The following HCN1 variants were observed in gnomAD, a reference collection of about 807,000 sequenced individuals.
HCN1 encodes the protein hyperpolarization activated cyclic nucleotide gated potassium channel 1, also known as potassium/sodium hyperpolarization-activated cyclic nucleotide-gated channel 1.
Under a neutral mutation model 78.9 loss-of-function variants are expected in HCN1, and 13 were observed. That is an observed-to-expected ratio of 0.16 (90% CI 0.11 to 0.26). HCN1 has a LOEUF of 0.26. Among genes scored for constraint, HCN1 ranks in the 10% least tolerant of loss-of-function variants. HCN1 has a pLI of 1.00. For synonymous variants in HCN1, 552 were observed against 455.5 expected (o/e 1.21, Z -2.70); for missense variants, 810 against 1,154.3 (o/e 0.70, Z 4.32).
chr5:45,421,516 A>G lies in HCN1; in HGVS notation c.1012-24806T>C, dbSNP rs76290736. Among the ~76,000 whole-genome samples the G allele has an allele frequency of 7.6e-4, 116 of 152,358 alleles. 2 individuals are homozygous for G. In the East Asian group the frequency reaches 0.019, roughly 26 times the overall value. On this transcript the variant is annotated intron_variant, in intron 3 of 7. Coordinates refer to ENST00000303230, the MANE Select transcript of HCN1 (RefSeq NM_021072.4). ...GAGTGAAGGAAGCAAACCTTGTAAGATAAAGGAACAGCTTATTAACCTTTA... is the reference window on the plus strand; with the variant it reads ...GAGTGAAGGAAGCAAACCTTGTAAGGTAAAGGAACAGCTTATTAACCTTTA...
chr5:45,267,315 A>AT, intron 6 of HCN1, 62 bp from the exon 7 acceptor site: 2 of 1,490,060 alleles, frequency 1.3e-6, no homozygotes, highest in Non-Finnish European at 1.9e-6. Flanking sequence ...AAAGCCATTA[A>AT]GGCTTCCCAC....
intron 4 of HCN1, among the ~76,000 whole-genome samples, chr5:45,376,371 G>A (rs1284314768): frequency 9.9e-5 from 3 of 30,426 alleles, no homozygotes; most frequent in African/African-American, 3.7e-4. Flanking sequence ...GAGAGAGAGA[G>A]AGAAAATGAC....
At chr5:45,607,118 A>T (rs1744740203) in intron 2 of HCN1, among the ~76,000 whole-genome samples, 1 of 151,890 alleles carries the variant, frequency 6.6e-6, no homozygotes, top group African/African-American at 2.4e-5. Context: ...GTAAAGACAT[A>T]TTTTGGAAAA....
chr5:45,524,050 A>C (rs1191820664), intron 2 of HCN1, among the ~76,000 whole-genome samples: 1 of 152,148 alleles, frequency 6.6e-6, no homozygotes, highest in African/African-American at 2.4e-5. Flanking sequence ...AGGTGTAAGG[A>C]AGGGATCCAG....
chr5:45,372,667 T>TA lies in HCN1; in HGVS notation c.1231-19422dup, dbSNP rs200370651. Reference sequence around the variant, plus strand: ...TAAAAATATATAAAACATTTATATATAAAAATATAAAATATTTATATATAA... The same window carrying TA: ...TAAAAATATATAAAACATTTATATATAAAAAATATAAAATATTTATATATAA... On this transcript the variant is annotated intron_variant, in intron 4 of 7. Coordinates refer to ENST00000303230, the MANE Select transcript of HCN1 (RefSeq NM_021072.4). Among the ~76,000 whole-genome samples, 18 of 68,406 alleles carry TA rather than the reference T, an allele frequency of 2.6e-4. 1 individual carries two copies. Among genetic ancestry groups the TA allele is most frequent in the African/African-American group, 2.6e-3 (18 of 6,920 alleles). 44.9% of individuals were successfully genotyped at this position (68,406 alleles called of 152,430 possible).
chr5:45,538,764 C>T (rs568421050), intron 2 of HCN1, among the ~76,000 whole-genome samples: 1 of 152,110 alleles, frequency 6.6e-6, no homozygotes, highest in South Asian at 2.1e-4. Context: ...CACACACACA[C>T]AAATTTAAAA....
chr5:45,329,050 T>C (rs1310027765), intron 5 of HCN1, among the ~76,000 whole-genome samples: 1 of 151,622 alleles, frequency 6.6e-6, no homozygotes, highest in African/African-American at 2.4e-5. Context: ...GGAGTGGTTT[T>C]GGAGATTAGG....
intron 3 of HCN1, among the ~76,000 whole-genome samples, chr5:45,438,902 C>G (rs563736836): frequency 8.5e-5 from 13 of 152,200 alleles, no homozygotes; most frequent in South Asian, 4.1e-4. Flanking sequence ...TCTACTAGCC[C>G]TAGCTATAGA....
intron 6 of HCN1, among the ~76,000 whole-genome samples, chr5:45,274,089 CA>C (rs924089367): frequency 1.8e-4 from 28 of 152,154 alleles, no homozygotes; most frequent in African/African-American, 5.3e-4. Flanking sequence ...AGATTGAATA[CA>C]ACAAATTTCT....
At chr5:45,562,538 G>C (rs1299904116) in intron 2 of HCN1, among the ~76,000 whole-genome samples, 1 of 98,362 alleles carries the variant, frequency 1.0e-5, no homozygotes, top group Non-Finnish European at 2.1e-5. Flanking sequence ...AAAACCCTTA[G>C]GTAAATTTTA....
chr5:45,455,619 C>T (rs1741013529), intron 3 of HCN1, among the ~76,000 whole-genome samples: 2 of 151,744 alleles, frequency 1.3e-5, no homozygotes, highest in South Asian at 4.2e-4. Flanking sequence ...ATAAAATCAG[C>T]AGATTTAGGG....
At chr5:45,399,760 C>T (rs533905455) in intron 3 of HCN1, among the ~76,000 whole-genome samples, 77 of 152,200 alleles carry the variant, frequency 5.1e-4, no homozygotes, top group Non-Finnish European at 1.1e-3. Flanking sequence ...GATTGAGGTT[C>T]TTAAAGTGAA....
chr5:45,558,413 T>C (rs1743520739), intron 2 of HCN1: 1 of 152,308 alleles, frequency 6.6e-6, no homozygotes, highest in Non-Finnish European at 1.5e-5. Flanking sequence ...GATGTTGATG[T>C]AGAAACTGCA....
At chr5:45,586,132 C>T (rs1744214505) in intron 2 of HCN1, among the ~76,000 whole-genome samples, 1 of 152,172 alleles carries the variant, frequency 6.6e-6, no homozygotes. Flanking sequence ...GTGGAGTCTA[C>T]AGAGGCAGGC....
intron 2 of HCN1, among the ~76,000 whole-genome samples, chr5:45,563,387 G>A (rs953507078): frequency 1.3e-5 from 2 of 152,036 alleles, no homozygotes; most frequent in Non-Finnish European, 1.5e-5. Context: ...GGAAGCGGGG[G>A]TTGCAGTGAG....
chr5:45,523,623 T>G (rs1407901059), intron 2 of HCN1, among the ~76,000 whole-genome samples: 1 of 152,164 alleles, frequency 6.6e-6, no homozygotes, highest in Non-Finnish European at 1.5e-5. Flanking sequence ...ATGGTGAGCA[T>G]TTTTTCATGT....
chr5:45,464,473 T>C (rs1440213355), intron 2 of HCN1, among the ~76,000 whole-genome samples: 2 of 152,056 alleles, frequency 1.3e-5, no homozygotes, highest in Non-Finnish European at 2.9e-5. Context: ...ATAAACAGTC[T>C]CCCTTATGGA....
intron 4 of HCN1, among the ~76,000 whole-genome samples, chr5:45,359,244 C>G (rs1032549086): frequency 2.6e-5 from 4 of 151,826 alleles, no homozygotes; most frequent in Non-Finnish European, 5.9e-5. Flanking sequence ...CTGTCCTTCC[C>G]ATTGTATTAG....
chr5:45,432,069 G>A (rs1233095937), intron 3 of HCN1, among the ~76,000 whole-genome samples: 9 of 152,062 alleles, frequency 5.9e-5, no homozygotes, highest in African/African-American at 7.2e-5. Context: ...ATCCATGAGC[G>A]TATAATGTTT....
Sources: gnomAD v4.1 joint callset for allele counts (sites outside exome capture counted in the v4.1 genomes callset) on GRCh38, gnomAD v4.1.1 for gene constraint, MANE v1.5 for transcripts, NCBI Gene and HGNC (gene_info 2026-07-23, HGNC 2026-07-21) for gene names.